The following TMEM98 variants were observed in gnomAD, a reference collection of about 807,000 sequenced individuals.
TMEM98 encodes transmembrane protein 98.
Under a neutral mutation model 25.0 loss-of-function variants are expected in TMEM98, and 18 were observed. The ratio of observed to expected loss-of-function variants is 0.72; its 90% confidence interval spans 0.50 to 1.07. The LOEUF is 1.07. Among genes scored for constraint, TMEM98 ranks in the 50% least tolerant of loss-of-function variants. The pLI is 0.00. For synonymous variants in TMEM98, 103 were observed against 112.4 expected, an observed-to-expected ratio of 0.92 and a Z score of 0.53; for missense variants, 241 against 289.0, an observed-to-expected ratio of 0.83 and a Z score of 1.20.
chr17:32,935,343 C>T (rs778189601), intron 5 of TMEM98, among the ~76,000 whole-genome samples: 1 of 152,156 alleles, frequency 6.6e-6, no homozygotes, highest in Non-Finnish European at 1.5e-5. Context: ...ACTACATTTC[C>T]CTTCTCCTGG....
At position 32,931,593 on chromosome 17, in the gene TMEM98, C is replaced by G; in HGVS notation, c.65C>G (p.Ala22Gly). The stretch of plus-strand genomic sequence containing the variant: ...ACCATCTTTCTGGCTTCGTTTGCAG[C>G]CTTGGTGCTGGTTTGCAGGCAGCGC... ...LATIFLASFAALVLVCRQRYC... is the reference protein window; with the variant it reads ...LATIFLASFAGLVLVCRQRYC... The change falls in exon 3 of 8, where the codon GCC (alanine) becomes GGC (glycine). Residue 22 changes from alanine (A) to glycine (G), a missense_variant. Transcript: ENST00000579849. 4.4e-6 allele frequency: 7 copies of G among 1,604,440 alleles called. No individual in the cohort carries two copies. The highest frequency in any genetic ancestry group is 2.7e-5 in the African/African-American group (2 of 74,960).
In TMEM98 at chr17:32,931,691, G is replaced by T. The variant is rs746408280; in HGVS notation, c.131+32G>T. 1.3e-6 allele frequency: 2 copies of T among 1,595,424 alleles called. 1 individual carries two copies. The highest frequency in any genetic ancestry group is 2.3e-5 in the South Asian group (2 of 87,634). On this transcript the variant is annotated intron_variant, in intron 3 of 7. Coordinates refer to ENST00000579849, the MANE Select transcript of TMEM98 (RefSeq NM_015544.3). Reference sequence around the variant, plus strand: ...GAGCCTATGGAGGGCAAGGAGGAGGGGTGGGCTCTAACTAAAGAAAAAGAG... The same window carrying T: ...GAGCCTATGGAGGGCAAGGAGGAGGTGTGGGCTCTAACTAAAGAAAAAGAG...
At chr17:32,940,096 G>C (rs1172139957) in intron 7 of TMEM98, among the ~76,000 whole-genome samples, 2 of 152,216 alleles carry the variant, frequency 1.3e-5, no homozygotes, top group Non-Finnish European at 2.9e-5. Flanking sequence ...TCATACACAT[G>C]TAACAGTTGC....
At chr17:32,932,094 A>ATTTTTTT (rs774760952) in intron 3 of TMEM98, among the ~76,000 whole-genome samples, 6 of 118,982 alleles carry the variant, frequency 5.0e-5, no homozygotes, top group African/African-American at 1.7e-4. Context: ...TGCACAGCAG[A>ATTTTTTT]TTTTTTTTTT....
rs2151115972 is a variant in TMEM98, at chr17:32,942,095, A to G, written c.*1102A>G. 6.6e-6 allele frequency: 1 copy of G among 152,356 alleles called. No individual in the cohort carries two copies. The highest frequency in any genetic ancestry group is 2.4e-5 in the African/African-American group (1 of 41,584). The allele number at this position is 152,356 out of a possible 1,614,324, so 9.4% of individuals were successfully genotyped here. On this transcript the variant is annotated 3_prime_UTR_variant, in exon 8 of 8. Transcript: ENST00000579849. ...TAAAGACCTCTTGGAGTTCAGGCAGAAGTGAAGATAGCACTATGAAGTAGT... is the reference window on the plus strand; with the variant it reads ...TAAAGACCTCTTGGAGTTCAGGCAGGAGTGAAGATAGCACTATGAAGTAGT...
intron 5 of TMEM98, among the ~76,000 whole-genome samples, chr17:32,934,850 G>A (rs2091487917): frequency 6.6e-6 from 1 of 152,184 alleles, no homozygotes; most frequent in Non-Finnish European, 1.5e-5. Flanking sequence ...TGAAGGCAGA[G>A]GATTTTTTCT....
chr17:32,935,707 G>C (rs779049299), intron 5 of TMEM98, among the ~76,000 whole-genome samples: 1 of 152,194 alleles, frequency 6.6e-6, no homozygotes, highest in Admixed American at 6.5e-5. Context: ...ATGTTGGTTG[G>C]TTCTAGCATG....
rs2091485292 is a variant in TMEM98 at position 32,934,420 on chromosome 17, C to T, written c.297+96C>T. 5 of 1,416,862 alleles carry T rather than the reference C, an allele frequency of 3.5e-6. No homozygotes were observed. The South Asian group carries it at 4.7e-5, about 13-fold the overall frequency. 87.8% of individuals were successfully genotyped at this position (1,416,862 alleles called of 1,614,324 possible). The stretch of plus-strand genomic sequence containing the variant: ...ACGGGACCTTAGAAAGGGCACTGAC[C>T]TCTCGCAAGAGGCCTTTCCTTAACT... On this transcript the variant is annotated intron_variant, in intron 5 of 7. Coordinates refer to ENST00000579849, the MANE Select transcript of TMEM98 (RefSeq NM_015544.3).
Position 32,941,075 on chromosome 17 carries a change from A to G in TMEM98, c.*82A>G, listed in dbSNP as rs2091528523. ...AGCTTAGCCTTCTACTTTTTCCTATAGAGTTAGTTGTTCTCCACGGCTGGA... is the reference window on the plus strand; with the variant it reads ...AGCTTAGCCTTCTACTTTTTCCTATGGAGTTAGTTGTTCTCCACGGCTGGA... On this transcript the variant is annotated 3_prime_UTR_variant, in exon 8 of 8. Coordinates refer to ENST00000579849, the MANE Select transcript of TMEM98 (RefSeq NM_015544.3). 8.0e-7 allele frequency: 1 copy of G among 1,248,084 alleles called. No individual in the cohort carries two copies. The highest frequency in any genetic ancestry group is 1.1e-6 in the Non-Finnish European group (1 of 908,322). 77.3% of individuals were successfully genotyped at this position (1,248,084 alleles called of 1,614,324 possible). A position where few individuals can be genotyped will look rare whatever the true frequency, so the allele number is the denominator to read the frequency against.
chr17:32,935,216 T>C (rs1030745876), intron 5 of TMEM98, among the ~76,000 whole-genome samples: 2 of 152,236 alleles, frequency 1.3e-5, no homozygotes, highest in African/African-American at 4.8e-5. Flanking sequence ...AGTTATTATC[T>C]CAGAGTCCAG....
chr17:32,931,471 C>G lies in TMEM98; in HGVS notation c.-54-4C>G. On this transcript the variant is annotated splice_region_variant and splice_polypyrimidine_tract_variant and intron_variant, in intron 2 of 7. Transcript: ENST00000579849. ...GATCTGCTCTGACTTCATGTTCTCT[C>G]AAGCTTTAGCCCATGAGGAGGATGT... The G allele has an allele frequency of 5.1e-6, 8 of 1,576,718 alleles. No homozygotes were observed. Among genetic ancestry groups the G allele is most frequent in the Non-Finnish European group, 6.9e-6 (8 of 1,160,468 alleles).
intron 6 of TMEM98, 61 bp downstream of exon 6, chr17:32,936,508 T>C (rs2091497402): frequency 2.1e-6 from 3 of 1,451,116 alleles, no homozygotes; most frequent in Admixed American, 1.8e-5. Flanking sequence ...GGCTGGAAGC[T>C]GGGGTAGCCG....
At chr17:32,939,227 T>G (rs1247859762) in intron 6 of TMEM98, among the ~76,000 whole-genome samples, 1 of 151,850 alleles carries the variant, frequency 6.6e-6, no homozygotes, top group Non-Finnish European at 1.5e-5. Context: ...GCCAACATGG[T>G]GAAACCCCGT....
At chr17:32,938,546 G>T (rs1269833357) in intron 6 of TMEM98, among the ~76,000 whole-genome samples, 1 of 152,204 alleles carries the variant, frequency 6.6e-6, no homozygotes, top group African/African-American at 2.4e-5. Flanking sequence ...ATGAATTGTA[G>T]TTCTGAACTT....
rs770604445 is a variant in TMEM98 at position 32,934,271 on chromosome 17, ACTT to A, written c.264-13_264-11del. On this transcript the variant is annotated splice_polypyrimidine_tract_variant and intron_variant, in intron 4 of 7. Transcript: ENST00000579849. ...GGGCCCCTCCAGATGAGCACTGATGACTTCTTCTTGTTTCCCCAGGGGTCTCAT... is the reference window on the plus strand; with the variant it reads ...GGGCCCCTCCAGATGAGCACTGATGACTTCTTGTTTCCCCAGGGGTCTCAT... 80 of 1,613,728 alleles carry A rather than the reference ACTT, an allele frequency of 5.0e-5. No homozygotes were observed. The highest frequency in any genetic ancestry group is 2.0e-4 in the East Asian group (9 of 44,850).
chr17:32,931,407 G>T lies in TMEM98; in HGVS notation c.-55+5G>T. 1 of 1,402,874 alleles carries T rather than the reference G, an allele frequency of 7.1e-7. No individual in the cohort carries two copies. The allele number at this position is 1,402,874 out of a possible 1,614,324, so 86.9% of individuals were successfully genotyped here. ...CCAATTTGCCACTTCCAGCAGGTAA[G>T]ACCCACCTGTCCCACTCTCTTTCGT... On this transcript the variant is annotated splice_donor_5th_base_variant and intron_variant, in intron 2 of 7. Transcript: ENST00000579849.
At chr17:32,932,991 T>C (rs2091477750) in intron 3 of TMEM98, among the ~76,000 whole-genome samples, 183 bp from the exon 4 acceptor site, 1 of 152,210 alleles carries the variant, frequency 6.6e-6, no homozygotes, top group South Asian at 2.1e-4. Flanking sequence ...ACTCCCTGTC[T>C]AGCCATGTGC....
Position 32,939,502 on chromosome 17 carries a change from T to G in TMEM98, c.439T>G (p.Tyr147Asp), listed in dbSNP as rs769389324. ...GGTGGATGATGTTGTGAAGTCGATG[T>G]ACCCTCCGTTGGACCCCAAACTCCT... ...PRVDDVVKSM[Y>D]PPLDPKLLDA... Residue 147 changes from tyrosine (Y) to aspartate (D), a missense_variant, in exon 7 of 8, where the codon TAC (tyrosine) becomes GAC (aspartate). Transcript: ENST00000579849. The G allele has an allele frequency of 1.2e-6, 2 of 1,613,910 alleles. No individual in the cohort carries two copies. Among genetic ancestry groups the G allele is most frequent in the East Asian group, 2.2e-5 (1 of 44,866 alleles).
At position 32,931,512 on chromosome 17, in the gene TMEM98, A is replaced by G. The variant is rs765445676; in HGVS notation, c.-17A>G. 2 of 1,603,576 alleles carry G rather than the reference A, an allele frequency of 1.2e-6. No homozygotes were observed. The highest frequency in any genetic ancestry group is 2.2e-5 in the South Asian group (2 of 88,928). On this transcript the variant is annotated 5_prime_UTR_variant, in exon 3 of 8. Transcript: ENST00000579849. The stretch of plus-strand genomic sequence containing the variant: ...AGGAGGATGTGACCGGGACTGAGTC[A>G]GGAGCCCTCTGGAAGCATGGAGACT...
Sources: gnomAD v4.1 joint callset for allele counts (sites outside exome capture counted in the v4.1 genomes callset) on GRCh38, gnomAD v4.1.1 for gene constraint, MANE v1.5 for transcripts, NCBI Gene and HGNC (gene_info 2026-07-23, HGNC 2026-07-21) for gene names.